The following SGIP1 variants were observed in gnomAD, a reference collection of about 807,000 sequenced individuals.
The protein encoded by SGIP1 is SH3GL interacting endocytic adaptor 1, also known as SH3-containing GRB2-like protein 3-interacting protein 1.
Under a neutral mutation model 107.5 loss-of-function variants are expected in SGIP1, and 38 were observed. The ratio of observed to expected loss-of-function variants is 0.35; its 90% CI spans 0.27 to 0.46. The LOEUF is 0.46. Among genes scored for constraint, SGIP1 ranks in the 20% least tolerant of loss-of-function variants. The probability of loss-of-function intolerance (pLI) is 1.00; values close to 1 mark genes in which losing one functional copy is unlikely to be tolerated. For missense variants in SGIP1, 929 were observed against 1,019.5 expected, an observed-to-expected ratio of 0.91 and a Z score of 1.21; for synonymous variants, 365 against 366.1, an observed-to-expected ratio of 1.00 and a Z score of 0.03.
At chr1:66,557,704 A>C (rs1316340053) in intron 1 of SGIP1, among the ~76,000 whole-genome samples, 3 of 152,160 alleles carry the variant, frequency 2.0e-5, no homozygotes, top group Non-Finnish European at 4.4e-5. Context: ...CAGGCTAGAC[A>C]AAATTTCCAT....
chr1:66,565,786 C>G (rs1044268218), intron 1 of SGIP1, among the ~76,000 whole-genome samples: 1 of 151,998 alleles, frequency 6.6e-6, no homozygotes, highest in African/African-American at 2.4e-5. Context: ...GTGCTAGACT[C>G]TGTGTTGGCA....
rs533281084 is a variant in SGIP1 at position 66,690,925 on chromosome 1, C to T, written c.1570+609C>T. Among the ~76,000 whole-genome samples, 15 of 152,212 alleles carry T rather than the reference C, an allele frequency of 9.9e-5. No individual in the cohort carries two copies. The East Asian group carries it at 2.3e-3, about 23-fold the overall frequency. On this transcript the variant is annotated intron_variant, in intron 17 of 24. Coordinates refer to ENST00000371037, the MANE Select transcript of SGIP1 (RefSeq NM_032291.4). ...TTATGCCTCTTTCCTTATGCTGTGA[C>T]GAAAGTAAAGAGTTGAGAATGGCTG...
intron 7 of SGIP1, among the ~76,000 whole-genome samples, chr1:66,659,124 G>C (rs142520677): frequency 6.6e-6 from 1 of 152,090 alleles, no homozygotes; most frequent in African/African-American, 2.4e-5. Context: ...TCTATTTTCC[G>C]GATAATAAGG....
At chr1:66,538,418 TAAA>T in intron 1 of SGIP1, among the ~76,000 whole-genome samples, 1 of 152,296 alleles carries the variant, frequency 6.6e-6, no homozygotes, top group East Asian at 1.9e-4. Context: ...TTCTGTATCA[TAAA>T]GAACCTCTTT....
chr1:66,711,203 A>G (rs1295690525), intron 18 of SGIP1, among the ~76,000 whole-genome samples: 2 of 152,164 alleles, frequency 1.3e-5, no homozygotes, highest in Non-Finnish European at 2.9e-5. Context: ...TATCCATTTA[A>G]AGTACCTTAA....
intron 1 of SGIP1, among the ~76,000 whole-genome samples, chr1:66,586,622 G>A (rs1307824327): frequency 1.3e-5 from 2 of 151,932 alleles, no homozygotes; most frequent in Non-Finnish European, 2.9e-5. Context: ...CCCAATTTGT[G>A]ATACAATTGT....
At chr1:66,594,529 C>T (rs2064241603) in intron 1 of SGIP1, among the ~76,000 whole-genome samples, 1 of 152,154 alleles carries the variant, frequency 6.6e-6, no homozygotes, top group Non-Finnish European at 1.5e-5. Context: ...CCAGGTCTGG[C>T]CCTTAGCCTT....
chr1:66,580,646 A>G (rs2061686977), intron 1 of SGIP1, among the ~76,000 whole-genome samples: 1 of 152,146 alleles, frequency 6.6e-6, no homozygotes, highest in Non-Finnish European at 1.5e-5. Flanking sequence ...AACATCCAAT[A>G]TAGCAATTTA....
At chr1:66,661,540 G>A (rs1269751370) in intron 8 of SGIP1, among the ~76,000 whole-genome samples, 1 of 152,060 alleles carries the variant, frequency 6.6e-6, no homozygotes, top group Non-Finnish European at 1.5e-5. Context: ...CAACTCTTTT[G>A]GTTTCCAAAA....
chr1:66,544,508 G>A (rs1007311561), intron 1 of SGIP1, among the ~76,000 whole-genome samples: 3 of 152,102 alleles, frequency 2.0e-5, no homozygotes, highest in Admixed American at 6.5e-5. Context: ...CCAACATGGC[G>A]AGACCCTGCC....
intron 1 of SGIP1, among the ~76,000 whole-genome samples, chr1:66,547,605 G>C (rs1178363697): frequency 6.6e-6 from 1 of 152,160 alleles, no homozygotes; most frequent in Non-Finnish European, 1.5e-5. Context: ...AAGACACATA[G>C]GAAGTGTTGT....
chr1:66,746,764 C>G lies in SGIP1; in HGVS notation c.*3669C>G, dbSNP rs1430454127. 1 of 152,038 alleles carries G rather than the reference C, an allele frequency of 6.6e-6. No individual in the cohort carries two copies. Among genetic ancestry groups the G allele is most frequent in the African/African-American group, 2.4e-5 (1 of 41,422 alleles). The allele number at this position is 152,038 out of a possible 1,614,324, so 9.4% of individuals were successfully genotyped here. On this transcript the variant is annotated 3_prime_UTR_variant, in exon 25 of 25. Transcript: ENST00000371037. Reference sequence around the variant, plus strand: ...GGAAACGCCTTAATTGCTTTGTCCACCCTGAACAAAACAATCTGTTTTATG... The same window carrying G: ...GGAAACGCCTTAATTGCTTTGTCCAGCCTGAACAAAACAATCTGTTTTATG...
At chr1:66,628,493 C>T (rs1039111114) in intron 2 of SGIP1, 1 of 154,806 alleles carries the variant, frequency 6.5e-6, no homozygotes, top group African/African-American at 2.4e-5. Context: ...TTATAGGACT[C>T]ATATAGTGCC....
intron 15 of SGIP1, chr1:66,684,020 A>C: frequency 6.6e-7 from 1 of 1,525,046 alleles, no homozygotes; most frequent in Non-Finnish European, 8.8e-7. Context: ...CCCAGCCCTA[A>C]ATGCTTTTTG....
chr1:66,644,584 C>G (rs549132844), intron 7 of SGIP1, among the ~76,000 whole-genome samples: 6 of 152,208 alleles, frequency 3.9e-5, no homozygotes, highest in African/African-American at 1.2e-4. Flanking sequence ...ACAGCATTCC[C>G]CCTGAACAGA....
intron 1 of SGIP1, among the ~76,000 whole-genome samples, chr1:66,596,070 G>A (rs1164273282): frequency 6.6e-6 from 1 of 152,242 alleles, no homozygotes; most frequent in Non-Finnish European, 1.5e-5. Context: ...AAGTGCACAA[G>A]TGCACATAAA....
chr1:66,567,761 A>G (rs965043585), intron 1 of SGIP1, among the ~76,000 whole-genome samples: 1 of 152,112 alleles, frequency 6.6e-6, no homozygotes, highest in African/African-American at 2.4e-5. Context: ...TAAATAGGGA[A>G]TCCTTTCCCC....
At chr1:66,565,599 G>A (rs2059534305) in intron 1 of SGIP1, among the ~76,000 whole-genome samples, 1 of 151,948 alleles carries the variant, frequency 6.6e-6, no homozygotes, top group African/African-American at 2.4e-5. Context: ...TACCTCTGAA[G>A]AGAGAGAGAT....
chr1:66,709,459 T>C (rs1572105470), intron 18 of SGIP1, among the ~76,000 whole-genome samples: 1 of 152,104 alleles, frequency 6.6e-6, no homozygotes, highest in Admixed American at 6.6e-5. Context: ...GGGTAAACGG[T>C]TCTCTCCTCT....
Sources: allele counts gnomAD v4.1 joint callset (sites outside exome capture counted in the v4.1 genomes callset), GRCh38; gene constraint gnomAD v4.1.1; transcripts MANE v1.5; gene names NCBI Gene and HGNC (gene_info 2026-07-23, HGNC 2026-07-21).